RBMS1: variants seen among roughly 807,000 people sequenced by gnomAD.
The protein encoded by RBMS1 is RNA binding motif single stranded interacting protein 1, also known as RNA-binding motif, single-stranded-interacting protein 1.
A neutral mutation model predicts 62.3 loss-of-function variants in RBMS1; 17 were observed. The ratio of observed to expected loss-of-function variants is 0.27; its 90% confidence interval spans 0.19 to 0.41. The LOEUF is 0.41. Ranked by LOEUF, RBMS1 falls within the 10% of genes least tolerant of loss-of-function variation. The pLI is 1.00. For missense variants in RBMS1, 334 were observed against 504.5 expected (o/e 0.66, Z 3.24); for synonymous variants, 172 against 170.0 (o/e 1.01, Z -0.09).
intron 1 of RBMS1, among the ~76,000 whole-genome samples, chr2:160,424,418 C>T (rs939688989): frequency 6.6e-6 from 1 of 150,928 alleles, no homozygotes; most frequent in Non-Finnish European, 1.5e-5. Context: ...AGCACTCTTA[C>T]TGTCTGTTTT....
At chr2:160,473,547 C>T (rs552312454) in intron 1 of RBMS1, among the ~76,000 whole-genome samples, 3 of 152,256 alleles carry the variant, frequency 2.0e-5, no homozygotes, top group East Asian at 3.9e-4. Context: ...GTAGTACATT[C>T]CTACCCTTGA....
At chr2:160,360,075 ACT>A (rs1693041051) in intron 2 of RBMS1, among the ~76,000 whole-genome samples, 1 of 152,106 alleles carries the variant, frequency 6.6e-6, no homozygotes, top group South Asian at 2.1e-4. Context: ...ACAGAGTGAG[ACT>A]CTGTCTCAAA....
chr2:160,405,750 C>A (rs976988107), intron 1 of RBMS1, among the ~76,000 whole-genome samples: 4 of 152,160 alleles, frequency 2.6e-5, no homozygotes, highest in Admixed American at 2.0e-4. Flanking sequence ...CAGGCTACCC[C>A]CCTTCACACA....
intron 2 of RBMS1, among the ~76,000 whole-genome samples, chr2:160,328,705 G>C (rs1472692148): frequency 6.6e-6 from 1 of 152,056 alleles, no homozygotes; most frequent in African/African-American, 2.4e-5. Context: ...GGCTGGGGTG[G>C]GGCGGAACGT....
Position 160,318,231 on chromosome 2 carries a change from A to T in RBMS1, c.252-4T>A, listed in dbSNP as rs1690340816. 3.6e-4 allele frequency: 93 copies of T among 261,752 alleles called. No homozygotes were observed. Among genetic ancestry groups the T allele is most frequent in the Middle Eastern group, 1.8e-3 (1 of 558 alleles). 16.2% of individuals were successfully genotyped at this position (261,752 alleles called of 1,614,324 possible). A position where few individuals can be genotyped will look rare whatever the true frequency, so the allele number is the denominator to read the frequency against. Reference sequence around the variant, plus strand: ...TGTGGAGACTATTTTCCCATATCTAAAAAAAAAAAAAAAAAAAAAAAGGAA... The same window carrying T: ...TGTGGAGACTATTTTCCCATATCTATAAAAAAAAAAAAAAAAAAAAAGGAA... On this transcript the variant is annotated splice_polypyrimidine_tract_variant and splice_region_variant and intron_variant, in intron 2 of 13. Coordinates refer to ENST00000348849, the MANE Select transcript of RBMS1 (RefSeq NM_016836.4).
At chr2:160,481,113 G>A (rs7601079) in intron 1 of RBMS1, among the ~76,000 whole-genome samples, 72,856 of 146,016 alleles carry the variant, frequency 0.5, 18,580 homozygotes, top group Admixed American at 0.58. Context: ...GAGTCCAGAA[G>A]AAGAACCACA....
chr2:160,432,098 A>G (rs1021901356), intron 1 of RBMS1, among the ~76,000 whole-genome samples: 1 of 152,218 alleles, frequency 6.6e-6, no homozygotes, highest in African/African-American at 2.4e-5. Context: ...AAGAATTTAA[A>G]AATGTATGTC....
chr2:160,487,806 G>A (rs1685658268), intron 1 of RBMS1, among the ~76,000 whole-genome samples: 1 of 152,142 alleles, frequency 6.6e-6, no homozygotes, highest in Admixed American at 6.5e-5. Context: ...GAGACAACAT[G>A]GGGAGAGAAT....
At chr2:160,305,297 C>G (rs1689440324) in intron 4 of RBMS1, among the ~76,000 whole-genome samples, 1 of 152,206 alleles carries the variant, frequency 6.6e-6, no homozygotes, top group Non-Finnish European at 1.5e-5. Context: ...CCTCTAAGCT[C>G]CAGTCATGGT....
At chr2:160,426,294 G>GAAAGAA (rs1574043888) in intron 1 of RBMS1, among the ~76,000 whole-genome samples, 1 of 66,124 alleles carries the variant, frequency 1.5e-5, no homozygotes, top group Non-Finnish European at 3.0e-5. Context: ...AGAAAGAAAA[G>GAAAGAA]AAAGAAGGAA....
intron 1 of RBMS1, among the ~76,000 whole-genome samples, chr2:160,372,191 C>T (rs921044003): frequency 6.6e-6 from 1 of 152,156 alleles, no homozygotes; most frequent in African/African-American, 2.4e-5. Flanking sequence ...TTCCCACCCC[C>T]ACCTTACTTA....
At chr2:160,407,553 G>A (rs996150664) in intron 1 of RBMS1, 6 of 985,292 alleles carry the variant, frequency 6.1e-6, no homozygotes, top group Non-Finnish European at 4.8e-6. Flanking sequence ...GGCGGCGGCG[G>A]GTGCGGGCGC....
chr2:160,298,247 T>C (rs1465732801), intron 6 of RBMS1, among the ~76,000 whole-genome samples: 4 of 152,064 alleles, frequency 2.6e-5, no homozygotes, highest in Non-Finnish European at 1.5e-5. Context: ...TCTGGGTAGA[T>C]ACTGGTTCCA....
At chr2:160,429,877 G>A (rs890102779) in intron 1 of RBMS1, among the ~76,000 whole-genome samples, 3 of 152,344 alleles carry the variant, frequency 2.0e-5, no homozygotes, top group Non-Finnish European at 2.9e-5. Flanking sequence ...CCTTGCCTAA[G>A]GGATGGCCCT....
chr2:160,407,789 G>A (rs1574019560), intron 1 of RBMS1: 5 of 981,168 alleles, frequency 5.1e-6, no homozygotes, highest in Non-Finnish European at 6.0e-6. Flanking sequence ...CCGCCGCCCT[G>A]CGTGCCATGG....
chr2:160,409,423 T>C (rs895096049), intron 1 of RBMS1, among the ~76,000 whole-genome samples: 4 of 152,254 alleles, frequency 2.6e-5, no homozygotes, highest in African/African-American at 9.6e-5. Context: ...TGAGCATTCA[T>C]TGAAAATTGG....
At chr2:160,439,225 G>A (rs1370008451) in intron 1 of RBMS1, among the ~76,000 whole-genome samples, 1 of 151,970 alleles carries the variant, frequency 6.6e-6, no homozygotes, top group Non-Finnish European at 1.5e-5. Context: ...GGACGAGGTG[G>A]CTGCCGGACG....
chr2:160,314,279 G>A (rs961779463), intron 3 of RBMS1, among the ~76,000 whole-genome samples: 2 of 152,054 alleles, frequency 1.3e-5, no homozygotes, highest in African/African-American at 4.8e-5. Context: ...TTGAGAAAAG[G>A]GTCAAGTTAT....
chr2:160,478,778 C>T (rs1387701426), intron 1 of RBMS1, among the ~76,000 whole-genome samples: 4 of 152,114 alleles, frequency 2.6e-5, no homozygotes. Flanking sequence ...AAAGCTGTGC[C>T]CAAAGGCACA....
Sources: gnomAD v4.1 joint callset for allele counts (sites outside exome capture counted in the v4.1 genomes callset) on GRCh38, gnomAD v4.1.1 for gene constraint, MANE v1.5 for transcripts, NCBI Gene and HGNC (gene_info 2026-07-23, HGNC 2026-07-21) for gene names.